ZNF512: variants seen among roughly 807,000 people sequenced by gnomAD.
ZNF512 encodes zinc finger protein 512.
Under a neutral mutation model 77.5 loss-of-function variants are expected in ZNF512, and 25 were observed. That is an observed-to-expected ratio of 0.32 (90% CI 0.23 to 0.45). The LOEUF (loss-of-function observed/expected upper bound fraction) is 0.45, where lower values mean the gene tolerates loss of function less well. Ranked by LOEUF, ZNF512 falls within the 20% of genes least tolerant of loss-of-function variation. ZNF512 has a pLI of 1.00. For missense variants in ZNF512, 483 were observed against 692.6 expected (o/e 0.70, Z 3.40); for synonymous variants, 246 against 239.9 (o/e 1.03, Z -0.24).
chr2:27,612,308 A>G (rs906370123), intron 10 of ZNF512, among the ~76,000 whole-genome samples: 1 of 151,842 alleles, frequency 6.6e-6, no homozygotes, highest in Non-Finnish European at 1.5e-5. Flanking sequence ...CTTATCTTCC[A>G]TTTTTCCTGC....
At chr2:27,604,819 C>T (rs10168579) in intron 9 of ZNF512, among the ~76,000 whole-genome samples, 5,259 of 152,190 alleles carry the variant, frequency 0.035, 289 homozygotes, top group African/African-American at 0.12. Flanking sequence ...TCCATCACTA[C>T]CTCAAGTTGA....
chr2:27,598,412 A>G (rs1671967320), intron 3 of ZNF512, among the ~76,000 whole-genome samples, 158 bp downstream of exon 3: 8 of 152,098 alleles, frequency 5.3e-5, no homozygotes, highest in South Asian at 2.1e-4. Flanking sequence ...GGCGGATCAC[A>G]AGGTCAGGAG....
At position 27,598,138 on chromosome 2, in the gene ZNF512, G is replaced by A; in HGVS notation, c.161G>A (p.Gly54Asp). 1.2e-6 allele frequency: 2 copies of A among 1,614,056 alleles called. No homozygotes were observed. The highest frequency in any genetic ancestry group is 1.7e-6 in the Non-Finnish European group (2 of 1,179,954). ...YTIPHDDSLS[G>D]SSSASSCEPV... ...ATCCCTCATGATGACTCCTTAAGTG[G>A]TTCATCGTCTGCATCTTCGTGTGAA... The change falls in exon 3 of 14, where the codon GGT (glycine) becomes GAT (aspartate). Residue 54 changes from glycine to aspartate, a missense_variant. Transcript: ENST00000355467.
chr2:27,601,189 T>C (rs1672100425), intron 6 of ZNF512, among the ~76,000 whole-genome samples, 167 bp from the exon 7 acceptor site: 1 of 152,252 alleles, frequency 6.6e-6, no homozygotes, highest in African/African-American at 2.4e-5. Context: ...TGAATTGCCT[T>C]TATTTTGCCC....
chr2:27,583,748 TTG>T (rs768465967), intron 2 of ZNF512, 32 bp downstream of exon 2: 2 of 1,612,060 alleles, frequency 1.2e-6, no homozygotes, highest in Admixed American at 1.7e-5. Context: ...CCTTTTATGA[TTG>T]TGTCACCAGC....
At chr2:27,614,956 T>C (rs1672821246) in intron 10 of ZNF512, among the ~76,000 whole-genome samples, 3 of 152,198 alleles carry the variant, frequency 2.0e-5, no homozygotes, top group African/African-American at 7.2e-5. Context: ...TCTCTTGTCC[T>C]CTGTTAAAAA....
chr2:27,616,239 A>G (rs775171448), intron 11 of ZNF512, 23 bp from the exon 12 acceptor site: 1 of 1,602,956 alleles, frequency 6.2e-7, no homozygotes, highest in South Asian at 1.1e-5. Flanking sequence ...CATAGTCTTC[A>G]TACTATTTCT....
chr2:27,617,466 GA>G lies in ZNF512; in HGVS notation c.1297-4del. 1 of 1,239,016 alleles carries G rather than the reference GA, an allele frequency of 8.1e-7. No homozygotes were observed. Among genetic ancestry groups the G allele is most frequent in the Non-Finnish European group, 1.2e-6 (1 of 837,486 alleles). 76.8% of individuals were successfully genotyped at this position (1,239,016 alleles called of 1,614,324 possible). On this transcript the variant is annotated splice_polypyrimidine_tract_variant and splice_region_variant and intron_variant, in intron 12 of 13. Coordinates refer to ENST00000355467, the MANE Select transcript of ZNF512 (RefSeq NM_032434.4). ...GTAATTCTTTTTTGTTTCTCTCTTG[GA>G]AATAGGGAAACTTTGTGGCTGGAAA...
chr2:27,603,181 C>A lies in ZNF512; in HGVS notation c.810C>A (p.Tyr270Ter). The change falls in exon 9 of 14, where the codon TAC becomes TAA. Residue 270 changes from tyrosine to a stop codon, truncating the protein, a stop_gained. Transcript: ENST00000355467. LOFTEE classifies it high-confidence loss of function. ...SSFTSIMGYL[Y>*]HVRKCGKGAA... ...TCACCAGCATCATGGGATATCTCTA[C>A]CATGTCAGAAAATGTGGCAAAGGGG... The A allele has an allele frequency of 6.2e-7, 1 of 1,614,120 alleles. No homozygotes were observed. The highest frequency in any genetic ancestry group is 1.3e-5 in the African/African-American group (1 of 75,024).
chr2:27,605,445 C>A (rs933277070), intron 9 of ZNF512, among the ~76,000 whole-genome samples: 2 of 151,654 alleles, frequency 1.3e-5, no homozygotes, highest in Non-Finnish European at 2.9e-5. Flanking sequence ...CAGAGCAAGA[C>A]CCTGACTCAA....
chr2:27,605,556 A>G (rs1672318217), intron 9 of ZNF512, among the ~76,000 whole-genome samples: 1 of 151,516 alleles, frequency 6.6e-6, no homozygotes, highest in African/African-American at 2.4e-5. Flanking sequence ...GCTCACTGCT[A>G]CCTCTGCCTC....
chr2:27,592,342 C>T (rs942475209), intron 2 of ZNF512, among the ~76,000 whole-genome samples: 50 of 150,956 alleles, frequency 3.3e-4, no homozygotes, highest in African/African-American at 9.3e-4. Flanking sequence ...GATGGAGTCT[C>T]GCTCTGTAGC....
chr2:27,617,413 T>C (rs916591618), intron 12 of ZNF512, 60 bp from the exon 13 acceptor site: 8 of 781,682 alleles, frequency 1.0e-5, no homozygotes, highest in East Asian at 2.4e-5. Flanking sequence ...TCCCTACACA[T>C]AGCCCAGTTA....
chr2:27,603,030 A>T, intron 8 of ZNF512, 110 bp from the exon 9 acceptor site: 1 of 1,258,232 alleles, frequency 7.9e-7, no homozygotes, highest in Non-Finnish European at 1.1e-6. Context: ...TACTGAAATC[A>T]GAGGGTCTAT....
At chr2:27,620,388 A>G (rs776767144) in intron 13 of ZNF512, among the ~76,000 whole-genome samples, 4 of 152,186 alleles carry the variant, frequency 2.6e-5, no homozygotes, top group Admixed American at 6.5e-5. Context: ...TATTGAAGAA[A>G]CCGGATCACT....
intron 10 of ZNF512, among the ~76,000 whole-genome samples, chr2:27,612,749 ACTT>A (rs1177660496): frequency 8.5e-5 from 13 of 152,114 alleles, no homozygotes; most frequent in African/African-American, 3.1e-4. Flanking sequence ...ATTTGCGTAT[ACTT>A]CTTTTCATCT....
chr2:27,615,233 T>C lies in ZNF512; in HGVS notation c.1197T>C (p.Asp399=), dbSNP rs1372485120. Residue 399 remains aspartate, a synonymous_variant, in exon 11 of 14, where the codon GAT becomes GAC. Transcript: ENST00000355467. ...AAGTACTACATAAATGGAAGACAGATATCAAGAAATATCATCGTATTCAGT... is the reference window on the plus strand; with the variant it reads ...AAGTACTACATAAATGGAAGACAGACATCAAGAAATATCATCGTATTCAGT... ...SQEVLHKWKT[D]IKKYHRIQCP... is the part of the protein sequence containing the mutation. The C allele has an allele frequency of 6.2e-7, 1 of 1,605,804 alleles. No individual in the cohort carries two copies. The highest frequency in any genetic ancestry group is 1.1e-5 in the South Asian group (1 of 89,420).
At chr2:27,614,751 C>G (rs112240122) in intron 10 of ZNF512, among the ~76,000 whole-genome samples, 10 of 150,888 alleles carry the variant, frequency 6.6e-5, no homozygotes, top group African/African-American at 2.4e-4. Flanking sequence ...TAACCTTTTA[C>G]TCATCTACAT....
At chr2:27,603,591 T>TGTGTGTGTGTGTGTGTGTGTGTGTG (rs772409987) in intron 9 of ZNF512, among the ~76,000 whole-genome samples, 1 of 87,216 alleles carries the variant, frequency 1.1e-5, no homozygotes, top group Non-Finnish European at 2.3e-5. Flanking sequence ...TGTGTGTATA[T>TGTGTGTGTGTGTGTGTGTGTGTGTG]TTTTTTTTTT....
Sources: gnomAD v4.1 joint callset for allele counts (sites outside exome capture counted in the v4.1 genomes callset) on GRCh38, gnomAD v4.1.1 for gene constraint, MANE v1.5 for transcripts, NCBI Gene and HGNC (gene_info 2026-07-23, HGNC 2026-07-21) for gene names.